PCDH15: variants seen among roughly 807,000 people sequenced by gnomAD.
PCDH15 encodes the protein protocadherin related 15.
Under a neutral mutation model 178.5 loss-of-function variants are expected in PCDH15, and 129 were observed. That is an observed-to-expected ratio of 0.72 (90% confidence interval 0.63 to 0.84). PCDH15 has a LOEUF of 0.84. Ranked by LOEUF, PCDH15 falls within the 40% of genes least tolerant of loss-of-function variation. PCDH15 has a pLI of 0.00. For synonymous variants in PCDH15, 800 were observed against 732.0 expected (o/e 1.09, Z -1.50); for missense variants, 2,230 against 2,099.9 (o/e 1.06, Z -1.21).
intron 1 of PCDH15, among the ~76,000 whole-genome samples, chr10:55,286,687 T>C (rs1282624664): frequency 1.3e-5 from 2 of 151,990 alleles, no homozygotes; most frequent in Non-Finnish European, 1.5e-5. Flanking sequence ...AGCTTCCCAT[T>C]TGACCTCTGC....
At position 54,376,430 on chromosome 10, in the gene PCDH15, A is replaced by T. The variant is rs530821484; in HGVS notation, c.318+2352T>A. On this transcript the variant is annotated intron_variant, in intron 4 of 37. Transcript: ENST00000644397. The stretch of plus-strand genomic sequence containing the variant: ...AATTTAAAACAGTGTAAATAAAGGT[A>T]TATATATTTACATATATGAATATCA... 2.7e-4 allele frequency among the ~76,000 whole-genome samples: 41 copies of T among 150,884 alleles called. 1 individual carries two copies. In the South Asian group the frequency reaches 7.3e-3, roughly 27 times the overall value.
At chr10:55,018,964 A>T (rs1259646636) in intron 2 of PCDH15, among the ~76,000 whole-genome samples, 1 of 152,130 alleles carries the variant, frequency 6.6e-6, no homozygotes, top group Non-Finnish European at 1.5e-5. Context: ...ATCCATTATC[A>T]AGTATCATAA....
Position 53,945,860 on chromosome 10 carries a change from T to C in PCDH15, c.3123-4885A>G, listed in dbSNP as rs1023061323. Among the ~76,000 whole-genome samples, 142 of 141,794 alleles carry C rather than the reference T, an allele frequency of 1.0e-3. 7 individuals are homozygous for C. The highest frequency in any genetic ancestry group is 1.2e-3 in the East Asian group (6 of 4,972). The allele number at this position is 141,794 out of a possible 152,430, so 93.0% of individuals were successfully genotyped here. A position where few individuals can be genotyped will look rare whatever the true frequency, so the allele number is the denominator to read the frequency against. ...TTGTATATATATATATATATATATATATATATATATATATATATATATCAC... is the reference window on the plus strand; with the variant it reads ...TTGTATATATATATATATATATATACATATATATATATATATATATATCAC... On this transcript the variant is annotated intron_variant, in intron 23 of 37. Transcript: ENST00000644397.
intron 8 of PCDH15, among the ~76,000 whole-genome samples, chr10:54,307,880 A>G (rs577820937): frequency 3.3e-5 from 5 of 152,188 alleles, no homozygotes; most frequent in African/African-American, 1.2e-4. Context: ...TCTCTGAGTA[A>G]ACACCAAGCA....
At chr10:54,964,004 A>G (rs1838719395) in intron 2 of PCDH15, among the ~76,000 whole-genome samples, 1 of 152,172 alleles carries the variant, frequency 6.6e-6, no homozygotes, top group African/African-American at 2.4e-5. Context: ...GGAAAAAAGA[A>G]TTAGGGACAG....
intron 2 of PCDH15, among the ~76,000 whole-genome samples, chr10:54,914,042 G>C (rs1258986717): frequency 2.6e-5 from 4 of 152,078 alleles, no homozygotes; most frequent in African/African-American, 9.7e-5. Context: ...TGTGCCAAAA[G>C]GCTTTAAGAT....
chr10:55,545,712 A>G (rs1278724581), intron 2 of PCDH15, among the ~76,000 whole-genome samples: 3 of 152,212 alleles, frequency 2.0e-5, no homozygotes, highest in Non-Finnish European at 2.9e-5. Context: ...TGCCCAGCCA[A>G]GATGCTCAGT....
chr10:53,976,775 T>C (rs1202098507), intron 21 of PCDH15, among the ~76,000 whole-genome samples: 1 of 152,064 alleles, frequency 6.6e-6, no homozygotes. Flanking sequence ...AACTGTCCCA[T>C]AGAAGTGATA....
intron 2 of PCDH15, among the ~76,000 whole-genome samples, chr10:55,155,601 A>G (rs185559877): frequency 6.6e-6 from 1 of 152,138 alleles, no homozygotes; most frequent in Non-Finnish European, 1.5e-5. Context: ...AAAGATAAGT[A>G]TTTCTTGACA....
chr10:53,830,238 G>A (rs1360261449), intron 30 of PCDH15, among the ~76,000 whole-genome samples: 1 of 151,748 alleles, frequency 6.6e-6, no homozygotes, highest in African/African-American at 2.4e-5. Context: ...GGAGGCAGAG[G>A]TTGCAGTGAG....
At position 54,219,075 on chromosome 10, in the gene PCDH15, A is replaced by C. The variant is rs1390152424; in HGVS notation, c.986-5027T>G. On this transcript the variant is annotated intron_variant, in intron 9 of 37. Transcript: ENST00000644397. ...GAGACCATCCTGGCTAACATGGTGA[A>C]ACCCTGTCTCTACTAAAAAAAAAAA... 9.8e-4 allele frequency among the ~76,000 whole-genome samples: 123 copies of C among 125,452 alleles called. No homozygotes were observed. The Middle Eastern group carries it at 0.038, about 38-fold the overall frequency. The allele number at this position is 125,452 out of a possible 152,430, so 82.3% of individuals were successfully genotyped here.
chr10:54,835,558 A>G (rs1488094000), intron 3 of PCDH15, among the ~76,000 whole-genome samples: 1 of 152,116 alleles, frequency 6.6e-6, no homozygotes, highest in Admixed American at 6.6e-5. Flanking sequence ...CACCACCAAC[A>G]TACACATCCC....
At chr10:53,821,919 C>A in intron 32 of PCDH15, 1 of 1,613,668 alleles carries the variant, frequency 6.2e-7, no homozygotes, top group Non-Finnish European at 8.5e-7. Context: ...ATTGTTCAAA[C>A]TCCCCTTGTT....
At position 53,930,971 on chromosome 10, in the gene PCDH15, T is replaced by C. The variant is rs140628587; in HGVS notation, c.3373+7844A>G. Among the ~76,000 whole-genome samples the C allele has an allele frequency of 6.8e-4, 103 of 152,222 alleles. 2 individuals are homozygous for C. In the East Asian group the frequency reaches 0.017, roughly 25 times the overall value. ...AAGGAAGATAATTATTTGATCAAATTAGTGGTCAATATGGGAGTAAAGGAA... is the reference window on the plus strand; with the variant it reads ...AAGGAAGATAATTATTTGATCAAATCAGTGGTCAATATGGGAGTAAAGGAA... On this transcript the variant is annotated intron_variant, in intron 25 of 37. Coordinates refer to ENST00000644397, the MANE Select transcript of PCDH15 (RefSeq NM_001384140.1).
intron 8 of PCDH15, among the ~76,000 whole-genome samples, chr10:54,255,295 A>G (rs1466874912): frequency 6.6e-6 from 1 of 152,276 alleles, no homozygotes; most frequent in East Asian, 1.9e-4. Context: ...GGAAGAGATG[A>G]AGCAGATGCA....
At chr10:54,480,014 G>C (rs2078595278) in intron 3 of PCDH15, among the ~76,000 whole-genome samples, 1 of 151,998 alleles carries the variant, frequency 6.6e-6, no homozygotes, top group South Asian at 2.1e-4. Context: ...TGACTCACTA[G>C]AGTTGAAAAT....
At chr10:55,057,137 G>C (rs755607232) in intron 2 of PCDH15, among the ~76,000 whole-genome samples, 20 of 152,020 alleles carry the variant, frequency 1.3e-4, no homozygotes, top group Non-Finnish European at 2.5e-4. Flanking sequence ...CGTCAGACAA[G>C]GGCCTACACT....
intron 25 of PCDH15, among the ~76,000 whole-genome samples, chr10:53,931,981 G>T (rs1477172942): frequency 1.3e-5 from 2 of 152,138 alleles, no homozygotes; most frequent in Non-Finnish European, 2.9e-5. Flanking sequence ...CCTGACCTTG[G>T]AGATTATGGA....
intron 2 of PCDH15, among the ~76,000 whole-genome samples, chr10:55,572,041 T>C (rs901339348): frequency 2.0e-5 from 3 of 152,094 alleles, no homozygotes; most frequent in Non-Finnish European, 4.4e-5. Flanking sequence ...TATGAAGTTG[T>C]AAAATATTCC....
Sources: allele counts gnomAD v4.1 joint callset (sites outside exome capture counted in the v4.1 genomes callset), GRCh38; gene constraint gnomAD v4.1.1; transcripts MANE v1.5; gene names NCBI Gene and HGNC (gene_info 2026-07-23, HGNC 2026-07-21).